FAR1: variants seen among roughly 807,000 people sequenced by gnomAD.
FAR1 encodes fatty acyl-CoA reductase 1.
A neutral mutation model predicts 61.1 loss-of-function variants in FAR1; 22 were observed. The ratio of observed to expected loss-of-function variants is 0.36; its 90% CI spans 0.26 to 0.51. The LOEUF (loss-of-function observed/expected upper bound fraction) is 0.51, where lower values mean the gene tolerates loss of function less well. Among genes scored for constraint, FAR1 ranks in the 20% least tolerant of loss-of-function variants. The probability of loss-of-function intolerance (pLI) is 0.95; values close to 1 mark genes in which losing one functional copy is unlikely to be tolerated. For synonymous variants in FAR1, 206 were observed against 209.7 expected, an observed-to-expected ratio of 0.98 and a Z score of 0.15; for missense variants, 359 against 626.9, an observed-to-expected ratio of 0.57 and a Z score of 4.56.
rs34030723 is a variant in FAR1, at chr11:13,672,388, C to CAAAA, written c.-8+3595_-8+3598dup. Among the ~76,000 whole-genome samples, 15 of 128,872 alleles carry CAAAA rather than the reference C, an allele frequency of 1.2e-4. 1 individual carries two copies. In the Middle Eastern group the frequency reaches 0.012, roughly 101 times the overall value. The allele number at this position is 128,872 out of a possible 152,430, so 84.5% of individuals were successfully genotyped here. The stretch of plus-strand genomic sequence containing the variant: ...AACATGGCAAAACCCCTTTTCTATC[C>CAAAA]AAAAAAAAAAAAAAAATTAGTTGGG... On this transcript the variant is annotated intron_variant, in intron 1 of 11. Coordinates refer to ENST00000354817, the MANE Select transcript of FAR1 (RefSeq NM_032228.6).
At chr11:13,703,736 G>A (rs1848402024) in intron 3 of FAR1, among the ~76,000 whole-genome samples, 1 of 152,102 alleles carries the variant, frequency 6.6e-6, no homozygotes, top group South Asian at 2.1e-4. Flanking sequence ...GATTCATAAG[G>A]AAATACTGAC....
chr11:13,674,969 T>G (rs1848050198), intron 1 of FAR1, among the ~76,000 whole-genome samples: 1 of 152,124 alleles, frequency 6.6e-6, no homozygotes, highest in Non-Finnish European at 1.5e-5. Context: ...CATCACCAAC[T>G]TTAAGAGTTA....
rs749292214 is a variant in FAR1 at position 13,711,889 on chromosome 11, C to CAT, written c.769-39_769-38insAT. The CAT allele has an allele frequency of 9.0e-6, 14 of 1,551,112 alleles. No individual in the cohort carries two copies. The East Asian group carries it at 3.2e-4, about 35-fold the overall frequency. On this transcript the variant is annotated intron_variant, in intron 6 of 11. Transcript: ENST00000354817. ...ATCTTTAAATATATATACACTATGG[C>CAT]TTATATATCTTAAGGTGTTGTTTTT...
chr11:13,687,521 T>C (rs1395491970), intron 1 of FAR1, among the ~76,000 whole-genome samples: 3 of 152,214 alleles, frequency 2.0e-5, no homozygotes, highest in African/African-American at 7.2e-5. Flanking sequence ...ATTCCTTTCA[T>C]GGCTTTTGCT....
At chr11:13,669,807 A>C (rs1320443219) in intron 1 of FAR1, among the ~76,000 whole-genome samples, 1 of 151,364 alleles carries the variant, frequency 6.6e-6, no homozygotes, top group East Asian at 1.9e-4. Flanking sequence ...ACAAGAACTC[A>C]CTCCCTCCGA....
At chr11:13,713,205 A>C in intron 8 of FAR1, 172 bp downstream of exon 8, 2 of 618,190 alleles carry the variant, frequency 3.2e-6, no homozygotes, top group Non-Finnish European at 5.8e-6. Flanking sequence ...GTCCTTAATA[A>C]TGTTTCACAA....
chr11:13,697,314 T>G (rs1170912137), intron 2 of FAR1, among the ~76,000 whole-genome samples: 1 of 151,776 alleles, frequency 6.6e-6, no homozygotes, highest in Non-Finnish European at 1.5e-5. Context: ...ATACAAAAAT[T>G]AGCCGGGCGT....
At chr11:13,717,913 A>G (rs1215921915) in intron 9 of FAR1, among the ~76,000 whole-genome samples, 4 of 151,982 alleles carry the variant, frequency 2.6e-5, no homozygotes, top group East Asian at 1.9e-4. Flanking sequence ...ATCCCTTTAC[A>G]TGTAATCTGA....
At chr11:13,701,456 G>A (rs1212993361) in intron 3 of FAR1, among the ~76,000 whole-genome samples, 1 of 151,936 alleles carries the variant, frequency 6.6e-6, no homozygotes, top group African/African-American at 2.4e-5. Context: ...AAAAAATTGA[G>A]TTCTGAGGCT....
At chr11:13,712,476 A>G (rs1376537699) in intron 7 of FAR1, among the ~76,000 whole-genome samples, 1 of 152,040 alleles carries the variant, frequency 6.6e-6, no homozygotes, top group Non-Finnish European at 1.5e-5. Flanking sequence ...TACAGGTAAC[A>G]CTTAAACTTT....
chr11:13,711,687 T>C, intron 5 of FAR1, 77 bp from the exon 6 acceptor site: 1 of 1,070,010 alleles, frequency 9.3e-7, no homozygotes, highest in Non-Finnish European at 1.4e-6. Context: ...ATATTTGGGG[T>C]TGTAGAGTTC....
At position 13,730,618 on chromosome 11, in the gene FAR1, A is replaced by G. The variant is rs944527708; in HGVS notation, c.*1844A>G. The stretch of plus-strand genomic sequence containing the variant: ...GTGTTGAAAACATGCTAACATTTGT[A>G]TGATTTTTATACTTCTGCCGAATAG... On this transcript the variant is annotated 3_prime_UTR_variant, in exon 12 of 12. Coordinates refer to ENST00000354817, the MANE Select transcript of FAR1 (RefSeq NM_032228.6). The G allele has an allele frequency of 1.3e-5, 2 of 152,114 alleles. No individual in the cohort carries two copies. Among genetic ancestry groups the G allele is most frequent in the Non-Finnish European group, 2.9e-5 (2 of 67,988 alleles). 9.4% of individuals were successfully genotyped at this position (152,114 alleles called of 1,614,324 possible). A position where few individuals can be genotyped will look rare whatever the true frequency, so the allele number is the denominator to read the frequency against.
chr11:13,695,176 A>G (rs992601626), intron 2 of FAR1, among the ~76,000 whole-genome samples: 2 of 152,222 alleles, frequency 1.3e-5, no homozygotes, highest in African/African-American at 4.8e-5. Flanking sequence ...TTGTATAACA[A>G]GCTCTAAATT....
Position 13,727,790 on chromosome 11 carries a change from G to C in FAR1, c.1385+107G>C, listed in dbSNP as rs1848682626. 3.8e-6 allele frequency: 4 copies of C among 1,059,478 alleles called. No individual in the cohort carries two copies. In the South Asian group the frequency reaches 6.7e-5, roughly 18 times the overall value. 65.6% of individuals were successfully genotyped at this position (1,059,478 alleles called of 1,614,324 possible). On this transcript the variant is annotated intron_variant, in intron 11 of 11. Transcript: ENST00000354817. ...GCTATATCTGTCATTCAAAGATGCA[G>C]ATAATTTTTAATGGTAATCTCTTAT...
At chr11:13,687,693 G>A (rs1177619662) in intron 1 of FAR1, among the ~76,000 whole-genome samples, 3 of 152,114 alleles carry the variant, frequency 2.0e-5, no homozygotes, top group Non-Finnish European at 2.9e-5. Flanking sequence ...TTTCAAATTA[G>A]TGCGGCTTTC....
intron 3 of FAR1, among the ~76,000 whole-genome samples, chr11:13,707,109 G>C (rs2134188690): frequency 6.6e-6 from 1 of 152,180 alleles, no homozygotes; most frequent in East Asian, 1.9e-4. Context: ...CTTTCATTGT[G>C]ATAAAATACT....
intron 3 of FAR1, 137 bp downstream of exon 3, chr11:13,700,629 C>T (rs1848360934): frequency 6.5e-6 from 3 of 461,404 alleles, no homozygotes. Flanking sequence ...CTTTCAGTGT[C>T]CTACAGAGTG....
intron 8 of FAR1, 165 bp downstream of exon 8, chr11:13,713,198 C>T: frequency 1.6e-6 from 1 of 634,908 alleles, no homozygotes; most frequent in Non-Finnish European, 2.8e-6. Flanking sequence ...CCTTGTGGTC[C>T]TTAATAATGT....
intron 9 of FAR1, among the ~76,000 whole-genome samples, chr11:13,717,824 TG>T (rs1400642474): frequency 6.6e-6 from 1 of 152,078 alleles, no homozygotes; most frequent in African/African-American, 2.4e-5. Context: ...CAAAAACAGG[TG>T]GTGGGCTGGA....
Sources: allele counts gnomAD v4.1 joint callset (sites outside exome capture counted in the v4.1 genomes callset), GRCh38; gene constraint gnomAD v4.1.1; transcripts MANE v1.5; gene names NCBI Gene and HGNC (gene_info 2026-07-23, HGNC 2026-07-21).